CREB5: variants seen among roughly 807,000 people sequenced by gnomAD.
CREB5 encodes cyclic AMP-responsive element-binding protein 5.
Under a neutral mutation model 57.1 loss-of-function variants are expected in CREB5, and 19 were observed. The ratio of observed to expected loss-of-function variants is 0.33; its 90% CI spans 0.23 to 0.49. The LOEUF (loss-of-function observed/expected upper bound fraction) is 0.49. Ranked by LOEUF, CREB5 falls within the 20% of genes least tolerant of loss-of-function variation. The pLI is 0.99. For synonymous variants in CREB5, 238 were observed against 238.3 expected (o/e 1.00, Z 0.01); for missense variants, 579 against 671.6 (o/e 0.86, Z 1.52).
At chr7:28,663,463 C>T (rs1190921918) in intron 5 of CREB5, among the ~76,000 whole-genome samples, 1 of 152,106 alleles carries the variant, frequency 6.6e-6, no homozygotes, top group Admixed American at 6.5e-5. Context: ...GCCTTGGCCT[C>T]CCAAAGTGTT....
chr7:28,672,175 GA>G (rs201063096), intron 5 of CREB5, among the ~76,000 whole-genome samples: 8,096 of 88,022 alleles, frequency 0.092, 322 homozygotes, highest in South Asian at 0.22. Context: ...TTGTATTATG[GA>G]AAAAAAAAAA....
chr7:28,804,688 C>A lies in CREB5; in HGVS notation c.1026+166C>A, dbSNP rs115952355. ...TAGGAGGCAAGCCTTACCCATAAGA[C>A]CCTACCAGATCATAATTTCTATAAA... On this transcript the variant is annotated intron_variant, in intron 8 of 10. Coordinates refer to ENST00000357727, the MANE Select transcript of CREB5 (RefSeq NM_182898.4). Among the ~76,000 whole-genome samples the A allele has an allele frequency of 1.9e-3, 293 of 152,264 alleles. 2 individuals carry two copies. The highest frequency in any genetic ancestry group is 6.6e-3 in the African/African-American group (273 of 41,524).
chr7:28,602,781 T>C (rs941588758), intron 5 of CREB5, among the ~76,000 whole-genome samples: 1 of 152,210 alleles, frequency 6.6e-6, no homozygotes, highest in East Asian at 1.9e-4. Flanking sequence ...GTTTTGTGTC[T>C]TGATTTGGTC....
Position 28,560,957 on chromosome 7 carries a change from T to TGCGTGCGC in CREB5, c.292-9407_292-9406insCGTGCGCG, listed in dbSNP as rs1375860415. ...GTGTGCGTGCGTGTGTGTGCGTGTG[T>TGCGTGCGC]GTGCGTGTGTGTGTGCGTGTGTGCG... On this transcript the variant is annotated intron_variant, in intron 4 of 10. Transcript: ENST00000357727. Among the ~76,000 whole-genome samples the TGCGTGCGC allele has an allele frequency of 5.8e-4, 25 of 43,442 alleles. 1 individual carries two copies. The highest frequency in any genetic ancestry group is 2.5e-3 in the South Asian group (2 of 804). 28.5% of individuals were successfully genotyped at this position (43,442 alleles called of 152,430 possible).
chr7:28,741,953 C>T (rs927155419), intron 7 of CREB5, among the ~76,000 whole-genome samples: 5 of 151,268 alleles, frequency 3.3e-5, no homozygotes, highest in African/African-American at 1.2e-4. Context: ...GTAGTCCCAG[C>T]TACTTGGGAG....
chr7:28,699,663 G>T (rs1469755435), intron 5 of CREB5, among the ~76,000 whole-genome samples: 1 of 152,056 alleles, frequency 6.6e-6, no homozygotes, highest in Admixed American at 6.5e-5. Flanking sequence ...AAATACTGGA[G>T]TGAAAAAAAG....
chr7:28,547,761 A>G (rs1390027230), intron 4 of CREB5, among the ~76,000 whole-genome samples: 1 of 152,198 alleles, frequency 6.6e-6, no homozygotes, highest in Non-Finnish European at 1.5e-5. Flanking sequence ...GGCTAATGAC[A>G]TCTCTCGCAT....
intron 4 of CREB5, among the ~76,000 whole-genome samples, chr7:28,556,713 G>C (rs1047399874): frequency 1.3e-5 from 2 of 152,088 alleles, no homozygotes; most frequent in Non-Finnish European, 2.9e-5. Context: ...TTTTGACTCT[G>C]TTCTTGCCCT....
At chr7:28,762,725 G>GC (rs1805727941) in intron 7 of CREB5, among the ~76,000 whole-genome samples, 1 of 146,176 alleles carries the variant, frequency 6.8e-6, no homozygotes, top group Admixed American at 6.8e-5. Flanking sequence ...CTTGGCTATG[G>GC]TTTTTTTTTT....
intron 1 of CREB5, among the ~76,000 whole-genome samples, chr7:28,318,472 G>A (rs1256265137): frequency 6.6e-6 from 1 of 152,212 alleles, no homozygotes; most frequent in Admixed American, 6.5e-5. Context: ...ATGCCTTGAG[G>A]CATTGGTGGG....
intron 5 of CREB5, among the ~76,000 whole-genome samples, chr7:28,642,704 T>C (rs1266657816): frequency 6.6e-6 from 1 of 152,180 alleles, no homozygotes; most frequent in East Asian, 1.9e-4. Context: ...AATGTTCCAA[T>C]TGATTGCTCA....
chr7:28,675,412 T>A (rs1055207970), intron 5 of CREB5, among the ~76,000 whole-genome samples: 5 of 152,122 alleles, frequency 3.3e-5, no homozygotes, highest in Non-Finnish European at 5.9e-5. Flanking sequence ...CTTCAGAACT[T>A]ATGACTTTGG....
At chr7:28,308,214 C>T (rs1297131907) in intron 1 of CREB5, among the ~76,000 whole-genome samples, 2 of 151,910 alleles carry the variant, frequency 1.3e-5, no homozygotes, top group East Asian at 3.9e-4. Context: ...AATAAAATTG[C>T]CTTTAAAAAA....
At chr7:28,507,870 A>T (rs928726956) in intron 4 of CREB5, 133 bp downstream of exon 4, 6 of 1,122,752 alleles carry the variant, frequency 5.3e-6, no homozygotes, top group African/African-American at 1.6e-5. Flanking sequence ...TATTTGTCTA[A>T]TTTTTTTTAA....
chr7:28,596,508 A>C (rs1796696356), intron 5 of CREB5, among the ~76,000 whole-genome samples: 1 of 152,310 alleles, frequency 6.6e-6, no homozygotes, highest in East Asian at 1.9e-4. Flanking sequence ...GTTCATATTA[A>C]ATTATTGAAA....
In CREB5 at chr7:28,672,180, A is replaced by ACACACACAC. The variant is rs1554283278; in HGVS notation, c.465-46573_465-46572insCACACACAC. Among the ~76,000 whole-genome samples, 797 of 84,386 alleles carry ACACACACAC rather than the reference A, an allele frequency of 9.4e-3. 7 individuals are homozygous for ACACACACAC. The highest frequency in any genetic ancestry group is 0.022 in the South Asian group (62 of 2,778). 55.4% of individuals were successfully genotyped at this position (84,386 alleles called of 152,430 possible). A position where few individuals can be genotyped will look rare whatever the true frequency, so the allele number is the denominator to read the frequency against. ...AGGAGATCAGTTGTATTATGGAAAAAAAAAAAAAACACACACACACACACA... is the reference window on the plus strand; with the variant it reads ...AGGAGATCAGTTGTATTATGGAAAAACACACACACAAAAAAAAACACACACACACACACA... On this transcript the variant is annotated intron_variant, in intron 5 of 10. Transcript: ENST00000357727.
intron 1 of CREB5, among the ~76,000 whole-genome samples, chr7:28,316,739 G>C (rs1261661977): frequency 6.6e-6 from 1 of 152,144 alleles, no homozygotes. Context: ...CTACTGCTTA[G>C]TACAGCATGA....
chr7:28,598,772 T>C (rs1250347547), intron 5 of CREB5, among the ~76,000 whole-genome samples: 1 of 152,112 alleles, frequency 6.6e-6, no homozygotes, highest in Non-Finnish European at 1.5e-5. Flanking sequence ...AAGAGCGGCA[T>C]AGGTAGAGCT....
chr7:28,301,354 A>G (rs140330558), intron 1 of CREB5, among the ~76,000 whole-genome samples: 34 of 152,298 alleles, frequency 2.2e-4, no homozygotes, highest in Middle Eastern at 3.4e-3. Flanking sequence ...TAATTCCTAA[A>G]CTGAGGTAGA....
Sources: gnomAD v4.1 joint callset for allele counts (sites outside exome capture counted in the v4.1 genomes callset) on GRCh38, gnomAD v4.1.1 for gene constraint, MANE v1.5 for transcripts, NCBI Gene and HGNC (gene_info 2026-07-23, HGNC 2026-07-21) for gene names.